Variants in CITED4 observed in about 807,000 individuals in gnomAD.
CITED4 encodes the protein Cbp/p300 interacting transactivator with ED-rich tail 4, also known as cbp/p300-interacting transactivator 4.
In CITED4, 3 loss-of-function variants were observed where a neutral mutation model predicts 3.3. That is an observed-to-expected ratio of 0.92 (90% CI 0.42 to 2.38). The LOEUF is 2.38. Ranked by LOEUF, CITED4 falls within the 30% of genes most tolerant of loss-of-function variation. The pLI is 0.05. For synonymous variants in CITED4, 167 were observed against 145.8 expected (o/e 1.15, Z -1.05); for missense variants, 333 against 274.2 (o/e 1.21, Z -1.51).
In CITED4 at chr1:40,862,034, G is replaced by A. The variant is rs1649397147; in HGVS notation, c.94C>T (p.Leu32=). 1.5e-6 allele frequency: 2 copies of A among 1,312,282 alleles called. No homozygotes were observed. Among genetic ancestry groups the A allele is most frequent in the Non-Finnish European group, 1.9e-6 (2 of 1,029,948 alleles). 81.3% of individuals were successfully genotyped at this position (1,312,282 alleles called of 1,614,324 possible). The change falls in exon 1 of 1, where the codon CTG becomes TTG. Residue 32 remains leucine, a synonymous_variant. Transcript: ENST00000372638. ...AGGCCCGGGCCCGCGTACGGCGGCA[G>A]AGTCCGGAGCGCATGAGGGCCATGG... ...AAHGPHALRT[L]PPYAGPGLDS... is the part of the protein sequence containing the mutation.
Position 40,862,055 on chromosome 1 carries a change from C to A in CITED4, c.73G>T (p.Gly25Cys), listed in dbSNP as rs1056967075. The A allele has an allele frequency of 4.0e-5, 53 of 1,324,692 alleles. No individual in the cohort carries two copies. In the African/African-American group the frequency reaches 7.7e-4, roughly 19 times the overall value. The allele number at this position is 1,324,692 out of a possible 1,614,324, so 82.1% of individuals were successfully genotyped here. A position where few individuals can be genotyped will look rare whatever the true frequency, so the allele number is the denominator to read the frequency against. The change falls in exon 1 of 1, where the codon GGC becomes TGC. Residue 25 changes from glycine (G) to cysteine (C), a missense_variant. Gly to Cys is a radical substitution (Grantham distance 159). Transcript: ENST00000372638. ...QRPPSAAAAH[G>C]PHALRTLPPY... is the part of the protein sequence containing the mutation. ...GGCAGAGTCCGGAGCGCATGAGGGC[C>A]ATGGGCGGCCGCGGCGGACGGCGGC... is the stretch of plus-strand genomic sequence containing the variant.
chr1:40,861,264 T>G lies in CITED4; in HGVS notation c.*309A>C. ...AGGCAGAGGCCTGCAATGGCTCAGA[T>G]TGGGGGAAGAGGGCGGCGAGGGGGA... is the stretch of plus-strand genomic sequence containing the variant. On this transcript the variant is annotated 3_prime_UTR_variant, in exon 1 of 1. Coordinates refer to ENST00000372638, the MANE Select transcript of CITED4 (RefSeq NM_133467.3). 8.5e-5 allele frequency: 15 copies of G among 177,332 alleles called. No homozygotes were observed. The highest frequency in any genetic ancestry group is 1.4e-4 in the Non-Finnish European group (12 of 84,400). 11.0% of individuals were successfully genotyped at this position (177,332 alleles called of 1,614,324 possible).
Position 40,861,971 on chromosome 1 carries a change from GC to G in CITED4, c.156del (p.Pro53ArgfsTer90). The G allele has an allele frequency of 1.6e-6, 2 of 1,247,914 alleles. No individual in the cohort carries two copies. The highest frequency in any genetic ancestry group is 2.0e-6 in the Non-Finnish European group (2 of 996,228). The allele number at this position is 1,247,914 out of a possible 1,614,324, so 77.3% of individuals were successfully genotyped here. On this transcript the variant is annotated frameshift_variant, in exon 1 of 1. Transcript: ENST00000372638. LOFTEE classifies it low-confidence loss of function (END_TRUNC). ...GCCCCGGGTTGGCGGGGCGGCGGCGGCCCCAGCGGAGCCCCCCGCGGCCTCA... is the reference window on the plus strand; with the variant it reads ...GCCCCGGGTTGGCGGGGCGGCGGCGGCCCAGCGGAGCCCCCCGCGGCCTCA... ...SGLRPRGAPL[G>X]PPPPRQPGAL...
chr1:40,862,349 C>A lies in CITED4; in HGVS notation c.-222G>T. The A allele has an allele frequency of 3.1e-6, 1 of 321,970 alleles. No individual in the cohort carries two copies. 19.9% of individuals were successfully genotyped at this position (321,970 alleles called of 1,614,324 possible). A position where few individuals can be genotyped will look rare whatever the true frequency, so the allele number is the denominator to read the frequency against. On this transcript the variant is annotated 5_prime_UTR_variant, in exon 1 of 1. Coordinates refer to ENST00000372638, the MANE Select transcript of CITED4 (RefSeq NM_133467.3). ...TCACAAAGGCCCGCAACCTGTAGTG[C>A]TCCGAAACCTCCGCGTCGCGTAGCT...
Position 40,861,180 on chromosome 1 carries a change from G to A in CITED4, c.*393C>T, listed in dbSNP as rs1270726740. ...GCAACCACAGGGCCCAGGCAGCGGG[G>A]TGGGAGGCTCAGGAGATGGTGGCTC... is the stretch of plus-strand genomic sequence containing the variant. On this transcript the variant is annotated 3_prime_UTR_variant, in exon 1 of 1. Coordinates refer to ENST00000372638, the MANE Select transcript of CITED4 (RefSeq NM_133467.3). 3 of 155,900 alleles carry A rather than the reference G, an allele frequency of 1.9e-5. No homozygotes were observed. The highest frequency in any genetic ancestry group is 7.2e-5 in the African/African-American group (3 of 41,612). The allele number at this position is 155,900 out of a possible 1,614,324, so 9.7% of individuals were successfully genotyped here.
At position 40,861,839 on chromosome 1, in the gene CITED4, G is replaced by T. The variant is rs1387849805; in HGVS notation, c.289C>A (p.Pro97Thr). ...AHLQPVATPY[P>T]GRAAAPPNAP... ...TTGGGGGGCGCGGCCGCGCGGCCGG[G>T]GTACGGCGTCGCCACAGGCTGCAGG... is the stretch of plus-strand genomic sequence containing the variant. The change falls in exon 1 of 1, where the codon CCC (proline) becomes ACC (threonine). Residue 97 changes from proline to threonine, a missense_variant. Pro to Thr is a conservative substitution (Grantham distance 38). Transcript: ENST00000372638. 1.8e-6 allele frequency: 2 copies of T among 1,126,646 alleles called. No individual in the cohort carries two copies. The highest frequency in any genetic ancestry group is 5.0e-5 in the Admixed American group (1 of 20,130). The allele number at this position is 1,126,646 out of a possible 1,614,324, so 69.8% of individuals were successfully genotyped here. A position where few individuals can be genotyped will look rare whatever the true frequency, so the allele number is the denominator to read the frequency against.
At position 40,861,373 on chromosome 1, in the gene CITED4, A is replaced by C; in HGVS notation, c.*200T>G. ...TTACGGCCGAGGCTGGGGTCAGAGAAGTGAAGCCAAACTGTCCTCCCGCAG... is the reference window on the plus strand; with the variant it reads ...TTACGGCCGAGGCTGGGGTCAGAGACGTGAAGCCAAACTGTCCTCCCGCAG... On this transcript the variant is annotated 3_prime_UTR_variant, in exon 1 of 1. Coordinates refer to ENST00000372638, the MANE Select transcript of CITED4 (RefSeq NM_133467.3). 1 of 336,326 alleles carries C rather than the reference A, an allele frequency of 3.0e-6. No homozygotes were observed. 20.8% of individuals were successfully genotyped at this position (336,326 alleles called of 1,614,324 possible).
chr1:40,862,113 C>T lies in CITED4; in HGVS notation c.15G>A (p.Leu5=). 2 of 1,299,732 alleles carry T rather than the reference C, an allele frequency of 1.5e-6. No individual in the cohort carries two copies. Among genetic ancestry groups the T allele is most frequent in the East Asian group, 6.6e-5 (2 of 30,458 alleles). The allele number at this position is 1,299,732 out of a possible 1,614,324, so 80.5% of individuals were successfully genotyped here. A position where few individuals can be genotyped will look rare whatever the true frequency, so the allele number is the denominator to read the frequency against. The change falls in exon 1 of 1, where the codon CTG becomes CTA. Residue 5 remains leucine (L), a synonymous_variant. Coordinates refer to ENST00000372638, the MANE Select transcript of CITED4 (RefSeq NM_133467.3). MADH[L]MLAEGYRLVQ... is the part of the protein sequence containing the mutation. ...CCAGGCGGTAGCCCTCGGCGAGCAT[C>T]AGGTGGTCGGCCATGGCGGCAGGCC...
chr1:40,861,405 AGGCCTG>A lies in CITED4; in HGVS notation c.*162_*167del, dbSNP rs1649369349. The A allele has an allele frequency of 5.6e-6, 2 of 357,454 alleles. No homozygotes were observed. The highest frequency in any genetic ancestry group is 9.9e-6 in the Non-Finnish European group (2 of 201,672). The allele number at this position is 357,454 out of a possible 1,614,324, so 22.1% of individuals were successfully genotyped here. On this transcript the variant is annotated 3_prime_UTR_variant, in exon 1 of 1. Coordinates refer to ENST00000372638, the MANE Select transcript of CITED4 (RefSeq NM_133467.3). ...CCAAACTGTCCTCCCGCAGGAGGCA[AGGCCTG>A]GAGGGACGCCAGGGTCCCAGTCCGG...
chr1:40,862,120 T>C lies in CITED4; in HGVS notation c.8A>G (p.Asp3Gly), dbSNP rs912053884. The C allele has an allele frequency of 1.2e-5, 16 of 1,290,984 alleles. No homozygotes were observed. Among genetic ancestry groups the C allele is most frequent in the Non-Finnish European group, 1.6e-5 (16 of 1,021,128 alleles). 80.0% of individuals were successfully genotyped at this position (1,290,984 alleles called of 1,614,324 possible). MADHLMLAEGYRL... is the reference protein window; with the variant it reads MAGHLMLAEGYRL... ...GTAGCCCTCGGCGAGCATCAGGTGG[T>C]CGGCCATGGCGGCAGGCCGGCTGCC... The change falls in exon 1 of 1, where the codon GAC becomes GGC. Residue 3 changes from aspartate to glycine, a missense_variant. By Grantham distance (94) the Asp-to-Gly change is moderately conservative. Transcript: ENST00000372638.
chr1:40,861,946 G>A lies in CITED4; in HGVS notation c.182C>T (p.Ala61Val), dbSNP rs1257849138. ...CGGCCCGAAGGCCCCGTACGCCAGG[G>A]CCCCGGGTTGGCGGGGCGGCGGCGG... Reference protein sequence around the residue: ...LGPPPPRQPGALAYGAFGPPS... With the variant: ...LGPPPPRQPGVLAYGAFGPPS... Residue 61 changes from alanine (A) to valine (V), a missense_variant, in exon 1 of 1, where the codon GCC becomes GTC. Ala to Val is a moderately conservative substitution (Grantham distance 64). Coordinates refer to ENST00000372638, the MANE Select transcript of CITED4 (RefSeq NM_133467.3). The A allele has an allele frequency of 3.2e-6, 4 of 1,245,380 alleles. No homozygotes were observed. The highest frequency in any genetic ancestry group is 4.0e-6 in the Non-Finnish European group (4 of 994,580). The allele number at this position is 1,245,380 out of a possible 1,614,324, so 77.1% of individuals were successfully genotyped here.
At position 40,861,930 on chromosome 1, in the gene CITED4, G is replaced by A. The variant is rs973608044; in HGVS notation, c.198C>T (p.Ala66=). The stretch of plus-strand genomic sequence containing the variant: ...GCTGGAAGGAGGACGGCGGCCCGAA[G>A]GCCCCGTACGCCAGGGCCCCGGGTT... ...PRQPGALAYG[A]FGPPSSFQPF... Residue 66 remains alanine, a synonymous_variant, in exon 1 of 1, where the codon GCC becomes GCT. Coordinates refer to ENST00000372638, the MANE Select transcript of CITED4 (RefSeq NM_133467.3). 1.3e-3 allele frequency: 1,560 copies of A among 1,243,704 alleles called. 4 individuals carry two copies. The highest frequency in any genetic ancestry group is 3.3e-3 in the Admixed American group (78 of 23,542). 77.0% of individuals were successfully genotyped at this position (1,243,704 alleles called of 1,614,324 possible).
chr1:40,862,363 C>T lies in CITED4; in HGVS notation c.-236G>A, dbSNP rs1299013281. ...AACCTGTAGTGCTCCGAAACCTCCG[C>T]GTCGCGTAGCTGGGCTCGGCGTATT... On this transcript the variant is annotated 5_prime_UTR_variant, in exon 1 of 1. Coordinates refer to ENST00000372638, the MANE Select transcript of CITED4 (RefSeq NM_133467.3). 2 of 313,274 alleles carry T rather than the reference C, an allele frequency of 6.4e-6. No homozygotes were observed. Among genetic ancestry groups the T allele is most frequent in the East Asian group, 5.0e-5 (1 of 20,190 alleles). 19.4% of individuals were successfully genotyped at this position (313,274 alleles called of 1,614,324 possible).
chr1:40,861,820 G>GGCGCGGCC lies in CITED4; in HGVS notation c.300_307dup (p.Pro103ArgfsTer43), dbSNP rs1281228979. ...CGGGGGGCCTCCCGGAGCGTTGGGG[G>GGCGCGGCC]GCGCGGCCGCGCGGCCGGGGTACGG... On this transcript the variant is annotated frameshift_variant, in exon 1 of 1. Transcript: ENST00000372638. LOFTEE classifies it high-confidence loss of function. The GGCGCGGCC allele has an allele frequency of 1.8e-6, 2 of 1,100,210 alleles. No individual in the cohort carries two copies. The highest frequency in any genetic ancestry group is 1.0e-4 in the Admixed American group (2 of 19,368). The allele number at this position is 1,100,210 out of a possible 1,614,324, so 68.2% of individuals were successfully genotyped here. A position where few individuals can be genotyped will look rare whatever the true frequency, so the allele number is the denominator to read the frequency against.
Position 40,862,218 on chromosome 1 carries a change from C to T in CITED4, c.-91G>A, listed in dbSNP as rs1335203466. On this transcript the variant is annotated 5_prime_UTR_variant, in exon 1 of 1. Coordinates refer to ENST00000372638, the MANE Select transcript of CITED4 (RefSeq NM_133467.3). The stretch of plus-strand genomic sequence containing the variant: ...CAGCGGCTGCTCTGCGGCGGGAGAC[C>T]CGGGCACCGTGCGGTCCCTGCAGCT... 2 of 820,882 alleles carry T rather than the reference C, an allele frequency of 2.4e-6. No individual in the cohort carries two copies. The highest frequency in any genetic ancestry group is 1.8e-5 in the African/African-American group (1 of 55,304). The allele number at this position is 820,882 out of a possible 1,614,324, so 50.8% of individuals were successfully genotyped here. A position where few individuals can be genotyped will look rare whatever the true frequency, so the allele number is the denominator to read the frequency against.
rs891275424 is a variant in CITED4 at position 40,862,107 on chromosome 1, G to A, written c.21C>T (p.Leu7=). 3 of 1,304,156 alleles carry A rather than the reference G, an allele frequency of 2.3e-6. No homozygotes were observed. Among genetic ancestry groups the A allele is most frequent in the Admixed American group, 4.0e-5 (1 of 25,206 alleles). 80.8% of individuals were successfully genotyped at this position (1,304,156 alleles called of 1,614,324 possible). Residue 7 remains leucine (L), a synonymous_variant, in exon 1 of 1, where the codon CTC becomes CTT. Coordinates refer to ENST00000372638, the MANE Select transcript of CITED4 (RefSeq NM_133467.3). ...TCTGCACCAGGCGGTAGCCCTCGGCGAGCATCAGGTGGTCGGCCATGGCGG... is the reference window on the plus strand; with the variant it reads ...TCTGCACCAGGCGGTAGCCCTCGGCAAGCATCAGGTGGTCGGCCATGGCGG... MADHLM[L]AEGYRLVQRP...
Position 40,861,519 on chromosome 1 carries a change from C to A in CITED4, c.*54G>T. ...CCCAGTCGCTGGGTGCAGGGTCCGGCGGGCAGTCGGGCCCTTTCTCCTCTC... is the reference window on the plus strand; with the variant it reads ...CCCAGTCGCTGGGTGCAGGGTCCGGAGGGCAGTCGGGCCCTTTCTCCTCTC... On this transcript the variant is annotated 3_prime_UTR_variant, in exon 1 of 1. Coordinates refer to ENST00000372638, the MANE Select transcript of CITED4 (RefSeq NM_133467.3). 1.7e-6 allele frequency: 2 copies of A among 1,174,854 alleles called. No individual in the cohort carries two copies. Among genetic ancestry groups the A allele is most frequent in the Non-Finnish European group, 2.2e-6 (2 of 910,208 alleles). The allele number at this position is 1,174,854 out of a possible 1,614,324, so 72.8% of individuals were successfully genotyped here.
Position 40,861,604 on chromosome 1 carries a change from G to A in CITED4, c.524C>T (p.Ser175Phe). Reference protein sequence around the residue: ...SEFDCFSDLGSAPPAGSVSC With the variant: ...SEFDCFSDLGFAPPAGSVSC ...GCTCACGGAGCCGGCGGGCGGCGCG[G>A]ACCCCAAGTCCGAGAAGCAGTCGAA... The change falls in exon 1 of 1, where the codon TCC (serine) becomes TTC (phenylalanine). Residue 175 changes from serine (S) to phenylalanine (F), a missense_variant. Ser to Phe is a radical substitution (Grantham distance 155). Transcript: ENST00000372638. 6.8e-7 allele frequency: 1 copy of A among 1,468,736 alleles called. No individual in the cohort carries two copies. Among genetic ancestry groups the A allele is most frequent in the Non-Finnish European group, 9.0e-7 (1 of 1,113,594 alleles). The allele number at this position is 1,468,736 out of a possible 1,614,324, so 91.0% of individuals were successfully genotyped here.
Position 40,862,046 on chromosome 1 carries a change from C to A in CITED4, c.82G>T (p.Ala28Ser). ...PSAAAAHGPH[A>S]LRTLPPYAGP... ...GCGTACGGCGGCAGAGTCCGGAGCG[C>A]ATGAGGGCCATGGGCGGCCGCGGCG... Residue 28 changes from alanine (A) to serine (S), a missense_variant, in exon 1 of 1, where the codon GCG becomes TCG. Ala to Ser is a moderately conservative substitution (Grantham distance 99). Coordinates refer to ENST00000372638, the MANE Select transcript of CITED4 (RefSeq NM_133467.3). 1 of 1,323,036 alleles carries A rather than the reference C, an allele frequency of 7.6e-7. No homozygotes were observed. The highest frequency in any genetic ancestry group is 9.7e-7 in the Non-Finnish European group (1 of 1,035,502). The allele number at this position is 1,323,036 out of a possible 1,614,324, so 82.0% of individuals were successfully genotyped here.
Sources: gnomAD v4.1 joint callset for allele counts on GRCh38, gnomAD v4.1.1 for gene constraint, MANE v1.5 for transcripts, NCBI Gene and HGNC (gene_info 2026-07-23, HGNC 2026-07-21) for gene names.